The following DIDO1 variants were observed in gnomAD, a reference collection of about 807,000 sequenced individuals.
DIDO1 encodes death-inducer obliterator 1.
Under a neutral mutation model 99.4 loss-of-function variants are expected in DIDO1, and 16 were observed. The observed-to-expected ratio is 0.16, with a 90% CI of 0.11 to 0.24. The LOEUF (loss-of-function observed/expected upper bound fraction) is 0.24, where lower values mean the gene tolerates loss of function less well. Ranked by LOEUF, DIDO1 falls within the 10% of genes least tolerant of loss-of-function variation. The pLI is 1.00. For missense variants in DIDO1, 2,996 were observed against 3,014.0 expected (o/e 0.99, Z 0.14); for synonymous variants, 1,366 against 1,239.1 (o/e 1.10, Z -2.15).
intron 14 of DIDO1, 101 bp from the exon 15 acceptor site, chr20:62,891,256 T>G: frequency 2.0e-6 from 3 of 1,534,216 alleles, no homozygotes; most frequent in Non-Finnish European, 2.6e-6. Context: ...GTCAGATCTC[T>G]CCGACTCACA....
intron 6 of DIDO1, among the ~76,000 whole-genome samples, chr20:62,903,229 G>A (rs1488161300): frequency 1.3e-5 from 2 of 152,152 alleles, no homozygotes; most frequent in East Asian, 3.8e-4. Flanking sequence ...CTTAGCAGGG[G>A]GCACAGCCTC....
chr20:62,887,363 T>A (rs1253501661), intron 15 of DIDO1: 1 of 985,320 alleles, frequency 1.0e-6, no homozygotes, highest in Non-Finnish European at 1.2e-6. Flanking sequence ...ATATTTCAAG[T>A]CAGAATTTCT....
intron 1 of DIDO1, 82 bp downstream of exon 1, chr20:62,926,357 C>T (rs928041119): frequency 2.0e-5 from 3 of 151,992 alleles, no homozygotes; most frequent in Admixed American, 6.6e-5. Context: ...GGCTCCGATG[C>T]CGGCCCCGCC....
In DIDO1 at chr20:62,896,471, C is replaced by G; in HGVS notation, c.2054+60G>C. The G allele has an allele frequency of 1.3e-6, 2 of 1,587,506 alleles. No homozygotes were observed. Among genetic ancestry groups the G allele is most frequent in the Non-Finnish European group, 1.7e-6 (2 of 1,170,404 alleles). Reference sequence around the variant, plus strand: ...TTTGAACAGTGAGGCAATCCTGCAGCCACACTCTAATGAAAGCCCTTCCAT... The same window carrying G: ...TTTGAACAGTGAGGCAATCCTGCAGGCACACTCTAATGAAAGCCCTTCCAT... On this transcript the variant is annotated intron_variant, in intron 7 of 15. Transcript: ENST00000395343. The surrounding 1 kb of genome is among the most constrained non-coding windows in gnomAD (Gnocchi z 4.4).
chr20:62,907,839 C>T (rs1269281273), intron 4 of DIDO1, among the ~76,000 whole-genome samples: 1 of 152,242 alleles, frequency 6.6e-6, no homozygotes, highest in Non-Finnish European at 1.5e-5. Flanking sequence ...AAGTAAGCTT[C>T]CCTGCTTTGA....
At position 62,880,775 on chromosome 20, in the gene DIDO1, G is replaced by C. The variant is rs772267118; in HGVS notation, c.5181C>G (p.Ala1727=). ...GCGGGGCGGTGCCCTCGCCGGGTCT[G>C]GCCTGTGGCTCTCTGTCCCCCTCTG... ...GETEGDREPQ[A]RPGEGTAPLP... Residue 1727 remains alanine, a synonymous_variant, in exon 16 of 16, where the codon GCC becomes GCG. Coordinates refer to ENST00000395343, the MANE Select transcript of DIDO1 (RefSeq NM_001193369.2). 6.2e-7 allele frequency: 1 copy of C among 1,612,184 alleles called. No individual in the cohort carries two copies. Among genetic ancestry groups the C allele is most frequent in the South Asian group, 1.1e-5 (1 of 91,048 alleles).
rs2064792485 is a variant in DIDO1 at position 62,905,940 on chromosome 20, T to C, written c.1535A>G (p.Asn512Ser). Residue 512 changes from asparagine (N) to serine (S), a missense_variant, in exon 6 of 16, where the codon AAT becomes AGT. Asn to Ser is a conservative substitution (Grantham distance 46, BLOSUM62 1). Coordinates refer to ENST00000395343, the MANE Select transcript of DIDO1 (RefSeq NM_001193369.2). ...AGCAGTCTTTTCTGGCTTTACTGCA[T>C]TGTAATTGTGATCGCTCGCCCACGA... The part of the protein sequence containing the change: ...TPSWASDHNY[N>S]AVKPEKTAAP... 1.2e-6 allele frequency: 2 copies of C among 1,614,040 alleles called. No homozygotes were observed. The highest frequency in any genetic ancestry group is 1.7e-6 in the Non-Finnish European group (2 of 1,180,014).
In DIDO1 at chr20:62,879,124, G is replaced by T; in HGVS notation, c.*109C>A. 2.0e-6 allele frequency: 2 copies of T among 1,024,410 alleles called. No homozygotes were observed. Among genetic ancestry groups the T allele is most frequent in the Non-Finnish European group, 2.7e-6 (2 of 754,406 alleles). The allele number at this position is 1,024,410 out of a possible 1,614,324, so 63.5% of individuals were successfully genotyped here. On this transcript the variant is annotated 3_prime_UTR_variant, in exon 16 of 16. Coordinates refer to ENST00000395343, the MANE Select transcript of DIDO1 (RefSeq NM_001193369.2). The surrounding 1 kb of genome is among the most constrained non-coding windows in gnomAD (Gnocchi z 6.3). ...TACACAAAATTACAGTAATGTTTAA[G>T]TCCAGAATATTCTATCCTGAATCTA...
chr20:62,929,752 T>G (rs1401483739), upstream of DIDO1, among the ~76,000 whole-genome samples: 3 of 104,876 alleles, frequency 2.9e-5, no homozygotes, highest in Non-Finnish European at 5.4e-5. Flanking sequence ...CTTCAGCCAC[T>G]GTTTTGTTTT....
intron 6 of DIDO1, among the ~76,000 whole-genome samples, chr20:62,899,997 T>TA (rs1304264277): frequency 6.6e-6 from 1 of 152,230 alleles, no homozygotes; most frequent in Non-Finnish European, 1.5e-5. Context: ...TTTGAACTAT[T>TA]ACGTTGTGTA....
At chr20:62,932,199 G>A (rs1000392531) in intron 1 of DIDO1, among the ~76,000 whole-genome samples, 7 of 152,334 alleles carry the variant, frequency 4.6e-5, no homozygotes, top group African/African-American at 1.2e-4. Context: ...AGTATTTAAA[G>A]AGTAAATGTA....
At chr20:62,926,990 C>A (rs1260221158), upstream of DIDO1, among the ~76,000 whole-genome samples, 7 of 152,218 alleles carry the variant, frequency 4.6e-5, no homozygotes, top group Non-Finnish European at 1.0e-4. Flanking sequence ...CCCCTGACGG[C>A]CTCGGCTGGG....
rs750438455 is a variant in DIDO1 at position 62,896,501 on chromosome 20, A to G, written c.2054+30T>C. 3 of 1,578,588 alleles carry G rather than the reference A, an allele frequency of 1.9e-6. No individual in the cohort carries two copies. Among genetic ancestry groups the G allele is most frequent in the Non-Finnish European group, 2.6e-6 (3 of 1,165,566 alleles). On this transcript the variant is annotated intron_variant, in intron 7 of 15. Coordinates refer to ENST00000395343, the MANE Select transcript of DIDO1 (RefSeq NM_001193369.2). The surrounding 1 kb of genome is among the most constrained non-coding windows in gnomAD (Gnocchi z 4.4). ...CTCTAATGAAAGCCCTTCCATTTTA[A>G]TGGGTAAGAAATCAAGCAGAACAGC...
upstream of DIDO1, chr20:62,928,664 G>A (rs2065292066): frequency 6.6e-6 from 1 of 152,158 alleles, no homozygotes; most frequent in Non-Finnish European, 1.5e-5. Context: ...AAACCCAAAG[G>A]AGGAAACAAA....
In DIDO1 at chr20:62,879,680, G is replaced by T; in HGVS notation, c.6276C>A (p.Asp2092Glu). 6.2e-7 allele frequency: 1 copy of T among 1,609,830 alleles called. No homozygotes were observed. ...TFEGRQRERF[D>E]VGPKEKPLEE... is the part of the protein sequence containing the mutation. ...CCAGCGGCTTCTCTTTGGGCCCCACGTCAAACCGCTCTCTCTGCCTCCCTT... is the reference window on the plus strand; with the variant it reads ...CCAGCGGCTTCTCTTTGGGCCCCACTTCAAACCGCTCTCTCTGCCTCCCTT... The change falls in exon 16 of 16, where the codon GAC becomes GAA. Residue 2092 changes from aspartate to glutamate, a missense_variant. Asp to Glu is a conservative substitution (Grantham distance 45, BLOSUM62 2). Coordinates refer to ENST00000395343, the MANE Select transcript of DIDO1 (RefSeq NM_001193369.2). This position sits in a 1 kb window ranked among gnomAD's most constrained non-coding sequence, Gnocchi z 6.3.
In DIDO1 at chr20:62,894,280, G is replaced by A; in HGVS notation, c.2573-86C>T. On this transcript the variant is annotated intron_variant, in intron 11 of 15. Transcript: ENST00000395343. This position sits in a 1 kb window ranked among gnomAD's most constrained non-coding sequence, Gnocchi z 4.4. ...CAAAGCCGAAAGCAATACTCTAAAG[G>A]CAGGGCAGGAAATCATTCTGGCCCT... 1 of 1,574,142 alleles carries A rather than the reference G, an allele frequency of 6.4e-7. No individual in the cohort carries two copies. The highest frequency in any genetic ancestry group is 8.6e-7 in the Non-Finnish European group (1 of 1,158,996).
chr20:62,929,692 A>AAAAAAAAATATATATATATATATATAT, upstream of DIDO1, among the ~76,000 whole-genome samples: 3 of 63,710 alleles, frequency 4.7e-5, no homozygotes, highest in African/African-American at 2.3e-4. Flanking sequence ...AAAAAGAAAA[A>AAAAAAAAATATATATATATATATATAT]GTGTATATAT....
chr20:62,893,543 G>T lies in DIDO1; in HGVS notation c.3101+123C>A, dbSNP rs938077720. On this transcript the variant is annotated intron_variant, in intron 12 of 15. Coordinates refer to ENST00000395343, the MANE Select transcript of DIDO1 (RefSeq NM_001193369.2). ...CTACAACTGGGGCTTTTTAAAAGAT[G>T]AAAGAGTGAAGCTGTATTTCAGGTT... The T allele has an allele frequency of 5.9e-6, 7 of 1,195,858 alleles. No homozygotes were observed. The African/African-American group carries it at 7.7e-5, about 13-fold the overall frequency. The allele number at this position is 1,195,858 out of a possible 1,614,324, so 74.1% of individuals were successfully genotyped here.
At chr20:62,912,803 A>G (rs558843696) in intron 2 of DIDO1, among the ~76,000 whole-genome samples, 1 of 152,348 alleles carries the variant, frequency 6.6e-6, no homozygotes, top group East Asian at 1.9e-4. Flanking sequence ...AGGCCGAGGC[A>G]GGCAGACCAC....
Sources: gnomAD v4.1 joint callset for allele counts (sites outside exome capture counted in the v4.1 genomes callset) on GRCh38, gnomAD v4.1.1 for gene constraint, Gnocchi (gnomAD v3.1) non-coding constraint, MANE v1.5 for transcripts, NCBI Gene and HGNC (gene_info 2026-07-23, HGNC 2026-07-21) for gene names.